Variants in TCF20 observed in about 807,000 individuals in gnomAD.
The protein encoded by TCF20 is transcription factor 20.
In TCF20, 3 loss-of-function variants were observed where a neutral mutation model predicts 148.6. The observed-to-expected ratio is 0.02, with a 90% CI of 0.01 to 0.05. The LOEUF (loss-of-function observed/expected upper bound fraction) is 0.05, where lower values mean the gene tolerates loss of function less well. TCF20 is among the 10% of genes least tolerant of loss of function. The probability of loss-of-function intolerance (pLI) is 1.00; values close to 1 mark genes in which losing one functional copy is unlikely to be tolerated. For synonymous variants in TCF20, 1,049 were observed against 909.5 expected, an observed-to-expected ratio of 1.15 and a Z score of -2.76; for missense variants, 2,350 against 2,429.3, an observed-to-expected ratio of 0.97 and a Z score of 0.69.
intron 3 of TCF20, among the ~76,000 whole-genome samples, chr22:42,174,408 C>T (rs1355670619): frequency 6.6e-6 from 1 of 152,104 alleles, no homozygotes; most frequent in Non-Finnish European, 1.5e-5. Flanking sequence ...GGGCAGCCTC[C>T]AGGGGGGCCC....
Position 42,210,767 on chromosome 22 carries a change from C to T in TCF20, c.4539G>A (p.Glu1513=). 6.2e-7 allele frequency: 1 copy of T among 1,614,202 alleles called. No homozygotes were observed. Among genetic ancestry groups the T allele is most frequent in the Non-Finnish European group, 8.5e-7 (1 of 1,180,030 alleles). The stretch of plus-strand genomic sequence containing the variant: ...AAATCGTCACTGTATCGTTCTCCTT[C>T]TCTTCAGCCTTGGGGTTTGCCTCAG... ...LAPEANPKAE[E]KENDTVTISP... The change falls in exon 2 of 6, where the codon GAG becomes GAA. Residue 1513 remains glutamate, a synonymous_variant. Coordinates refer to ENST00000677622, the MANE Select transcript of TCF20 (RefSeq NM_001378418.1). This position sits in a 1 kb window ranked among gnomAD's most constrained non-coding sequence, Gnocchi z 4.7.
chr22:42,268,124 C>A (rs1414344290), intron 1 of TCF20, among the ~76,000 whole-genome samples: 1 of 151,898 alleles, frequency 6.6e-6, no homozygotes, highest in East Asian at 1.9e-4. Flanking sequence ...CCAGCCTGGA[C>A]AACAGAACAA....
chr22:42,313,919 G>A (rs1033951589), intron 1 of TCF20, among the ~76,000 whole-genome samples: 3 of 152,192 alleles, frequency 2.0e-5, no homozygotes, highest in Admixed American at 2.0e-4. Flanking sequence ...CCCCGCCTCA[G>A]GGAACACCTT....
At chr22:42,336,901 C>G (rs1022128441) in intron 1 of TCF20, among the ~76,000 whole-genome samples, 8 of 152,182 alleles carry the variant, frequency 5.3e-5, no homozygotes, top group African/African-American at 1.9e-4. Context: ...GCACCCCACC[C>G]TGATCATCAC....
intron 3 of TCF20, among the ~76,000 whole-genome samples, chr22:42,173,813 GAGCAA>G (rs1936279380): frequency 6.6e-6 from 1 of 152,070 alleles, no homozygotes; most frequent in Admixed American, 6.6e-5. Flanking sequence ...CCACATGAAG[GAGCAA>G]AGTGCACAGC....
At chr22:42,188,379 G>A (rs1485808769) in intron 2 of TCF20, among the ~76,000 whole-genome samples, 1 of 148,704 alleles carries the variant, frequency 6.7e-6, no homozygotes, top group Non-Finnish European at 1.5e-5. Context: ...TAATGTGAAG[G>A]TAACCCTTGG....
intron 1 of TCF20, among the ~76,000 whole-genome samples, chr22:42,252,986 AGGC>A (rs1925502123): frequency 1.3e-5 from 2 of 152,114 alleles, no homozygotes; most frequent in Non-Finnish European, 2.9e-5. Context: ...TTTTAATAAA[AGGC>A]TAATAAACTG....
At chr22:42,272,968 C>T (rs1926675744), upstream of TCF20, among the ~76,000 whole-genome samples, 1 of 152,124 alleles carries the variant, frequency 6.6e-6, no homozygotes, top group Non-Finnish European at 1.5e-5. Context: ...TCAAGACCAA[C>T]CTGCGCAACA....
chr22:42,212,495 T>C lies in TCF20; in HGVS notation c.2811A>G (p.Lys937=). ...TCTTGTTGTTGAAACTAGCTTGAGA[T>C]TTAGACTGTTCAAAGTCTTCCTCTT... ...QIKEEDFEQS[K]SQASFNNKKS... is the part of the protein sequence containing the mutation. The change falls in exon 2 of 6, where the codon AAA becomes AAG. Residue 937 remains lysine, a synonymous_variant. Transcript: ENST00000677622. The C allele has an allele frequency of 6.2e-7, 1 of 1,614,204 alleles. No individual in the cohort carries two copies.
chr22:42,167,480 C>G (rs568188622), intron 5 of TCF20, among the ~76,000 whole-genome samples: 1 of 152,312 alleles, frequency 6.6e-6, no homozygotes, highest in East Asian at 1.9e-4. Flanking sequence ...ACAACTAGTC[C>G]TCCTGCCCCA....
At chr22:42,302,724 C>G (rs551579699) in intron 1 of TCF20, among the ~76,000 whole-genome samples, 18 of 152,220 alleles carry the variant, frequency 1.2e-4, no homozygotes, top group African/African-American at 4.3e-4. Context: ...TATCCAGAAC[C>G]CCCCACCCAC....
intron 1 of TCF20, among the ~76,000 whole-genome samples, chr22:42,230,150 A>C (rs1176308328): frequency 6.6e-6 from 1 of 152,202 alleles, no homozygotes; most frequent in Non-Finnish European, 1.5e-5. Flanking sequence ...CCTGCCTCCC[A>C]AACACCTTAA....
chr22:42,325,061 G>A (rs1020680513), intron 1 of TCF20, among the ~76,000 whole-genome samples: 2 of 152,254 alleles, frequency 1.3e-5, no homozygotes, highest in African/African-American at 2.4e-5. Context: ...TCAGGAAACC[G>A]CATGGGCGGG....
chr22:42,335,188 C>T (rs1224031964), intron 1 of TCF20, among the ~76,000 whole-genome samples: 2 of 152,138 alleles, frequency 1.3e-5, no homozygotes, highest in Non-Finnish European at 2.9e-5. Context: ...GGTGGGGAAA[C>T]AGACAAGAAA....
At chr22:42,184,928 C>T (rs531269161) in intron 2 of TCF20, among the ~76,000 whole-genome samples, 2 of 152,348 alleles carry the variant, frequency 1.3e-5, no homozygotes, top group Admixed American at 1.3e-4. Flanking sequence ...TTTCACCAGA[C>T]TTTGTCACTG....
chr22:42,266,791 CAAA>C (rs564103696), intron 1 of TCF20, among the ~76,000 whole-genome samples: 13 of 151,670 alleles, frequency 8.6e-5, no homozygotes, highest in Admixed American at 7.2e-4. Flanking sequence ...AACAAACAAA[CAAA>C]AAAGTATACC....
intron 1 of TCF20, among the ~76,000 whole-genome samples, chr22:42,281,864 C>A (rs1055304300): frequency 6.6e-6 from 1 of 152,148 alleles, no homozygotes; most frequent in Non-Finnish European, 1.5e-5. Flanking sequence ...CAGCTCTGGG[C>A]AGGTGCCAGG....
chr22:42,336,936 T>C (rs1928078119), intron 1 of TCF20, among the ~76,000 whole-genome samples: 1 of 152,216 alleles, frequency 6.6e-6, no homozygotes, highest in Non-Finnish European at 1.5e-5. Context: ...CTGCTTCCCA[T>C]AGCCACGTAT....
chr22:42,212,783 A>C lies in TCF20; in HGVS notation c.2523T>G (p.Ile841Met). The C allele has an allele frequency of 6.2e-7, 1 of 1,614,150 alleles. No individual in the cohort carries two copies. Among genetic ancestry groups the C allele is most frequent in the Non-Finnish European group, 8.5e-7 (1 of 1,180,030 alleles). ...GAGGCTCTATTTCAAACTTTCTGGG[A>C]ATTGGATAGTCAGTCAAATTGATCT... Reference protein sequence around the residue: ...MKQINLTDYPIPRKFEIEPQS... With the variant: ...MKQINLTDYPMPRKFEIEPQS... Residue 841 changes from isoleucine to methionine, a missense_variant, in exon 2 of 6, where the codon ATT (isoleucine) becomes ATG (methionine). This residue lies in a region of TCF20 where 1,641 missense variants were observed against 1,662.6 expected (regional missense o/e 0.99). Transcript: ENST00000677622.
Sources: allele counts gnomAD v4.1 joint callset (sites outside exome capture counted in the v4.1 genomes callset), GRCh38; gene constraint gnomAD v4.1.1; regional missense constraint gnomAD v4.1.1; non-coding constraint Gnocchi (gnomAD v3.1); transcripts MANE v1.5; gene names NCBI Gene and HGNC (gene_info 2026-07-23, HGNC 2026-07-21).